The following CEP128 variants were observed in gnomAD, a reference collection of about 807,000 sequenced individuals.
CEP128 encodes centrosomal protein 128kDa.
A neutral mutation model predicts 156.7 loss-of-function variants in CEP128; 132 were observed. That is an observed-to-expected ratio of 0.84 (90% CI 0.73 to 0.97). The LOEUF (loss-of-function observed/expected upper bound fraction) is 0.97. Among genes scored for constraint, CEP128 ranks in the 50% least tolerant of loss-of-function variants. The pLI, the probability that CEP128 is intolerant of heterozygous loss-of-function variation, is 0.00. For synonymous variants in CEP128, 469 were observed against 448.9 expected (o/e 1.04, Z -0.57); for missense variants, 1,252 against 1,281.9 (o/e 0.98, Z 0.36).
intron 14 of CEP128, among the ~76,000 whole-genome samples, chr14:80,482,050 G>C (rs1169843374): frequency 6.6e-6 from 1 of 152,128 alleles, no homozygotes. Context: ...TGGGAGAATC[G>C]CTTTTTAAAG....
At chr14:80,799,350 A>T (rs1027457396) in intron 13 of CEP128, among the ~76,000 whole-genome samples, 3 of 152,194 alleles carry the variant, frequency 2.0e-5, no homozygotes, top group African/African-American at 7.2e-5. Flanking sequence ...TAAGCTGAGG[A>T]TGTATGTCAC....
At chr14:80,748,201 A>C (rs1216764729) in intron 18 of CEP128, among the ~76,000 whole-genome samples, 1 of 152,188 alleles carries the variant, frequency 6.6e-6, no homozygotes, top group Non-Finnish European at 1.5e-5. Flanking sequence ...TGGGCTGTGC[A>C]CTTCCAATTA....
chr14:80,793,212 C>T, intron 13 of CEP128, 102 bp from the exon 14 acceptor site: 1 of 845,090 alleles, frequency 1.2e-6, no homozygotes. Context: ...AAGTGGAAAT[C>T]ATCTGTATTA....
chr14:80,849,353 G>A (rs941439995), intron 9 of CEP128, among the ~76,000 whole-genome samples: 18 of 152,122 alleles, frequency 1.2e-4, no homozygotes, highest in Admixed American at 3.3e-4. Context: ...ACCCAAGTTC[G>A]CCCACACTTT....
At chr14:80,561,903 T>TATATATATATATATATATATAC (rs1890692963) in intron 20 of CEP128, among the ~76,000 whole-genome samples, 1 of 149,742 alleles carries the variant, frequency 6.7e-6, no homozygotes, top group Non-Finnish European at 1.5e-5. Context: ...GGTCTATATA[T>TATATATATATATATATATATAC]ATATATATAT....
intron 2 of CEP128, among the ~76,000 whole-genome samples, chr14:80,951,229 A>G (rs1343781294): frequency 6.6e-6 from 1 of 152,180 alleles, no homozygotes; most frequent in South Asian, 2.1e-4. Context: ...AAGGAATGAG[A>G]AAGACCAGAA....
intron 20 of CEP128, among the ~76,000 whole-genome samples, chr14:80,561,759 A>G (rs959559268): frequency 1.3e-5 from 2 of 152,154 alleles, no homozygotes; most frequent in Admixed American, 1.3e-4. Context: ...TAGCAGAGAT[A>G]AACTGATAGC....
upstream of CEP128, among the ~76,000 whole-genome samples, chr14:80,944,588 T>C (rs11627019): frequency 0.55 from 84,104 of 151,622 alleles, 23,857 homozygotes; most frequent in East Asian, 0.69. Flanking sequence ...TTTGGGAGGC[T>C]GAGGCAGGCG....
intron 8 of CEP128, among the ~76,000 whole-genome samples, chr14:80,893,510 A>AAC (rs973962933): frequency 8.7e-5 from 13 of 149,332 alleles, no homozygotes; most frequent in African/African-American, 3.2e-4. Flanking sequence ...AACCAAAACA[A>AAC]AAAAAAAAAA....
chr14:80,892,339 A>C (rs775548248), intron 8 of CEP128, among the ~76,000 whole-genome samples: 1 of 151,946 alleles, frequency 6.6e-6, no homozygotes, highest in Non-Finnish European at 1.5e-5. Flanking sequence ...AATGGTGCTA[A>C]GAAAACTGGA....
intron 16 of CEP128, among the ~76,000 whole-genome samples, chr14:80,771,942 C>A (rs1194234657): frequency 1.3e-5 from 2 of 152,184 alleles, no homozygotes; most frequent in Non-Finnish European, 1.5e-5. Context: ...CTCTTTGGGC[C>A]AGAACCTCAT....
chr14:80,512,938 G>T (rs1469038435), intron 23 of CEP128, among the ~76,000 whole-genome samples: 1 of 151,964 alleles, frequency 6.6e-6, no homozygotes, highest in Admixed American at 6.6e-5. Context: ...GTCCTGAAAA[G>T]ATGTATTTGT....
intron 4 of CEP128, among the ~76,000 whole-genome samples, chr14:80,910,434 G>A (rs1223406505): frequency 6.6e-6 from 1 of 152,164 alleles, no homozygotes; most frequent in Non-Finnish European, 1.5e-5. Context: ...TGTATAGTGA[G>A]TGAGTTATCA....
intron 19 of CEP128, among the ~76,000 whole-genome samples, chr14:80,730,525 G>A (rs1005207880): frequency 2.0e-5 from 3 of 152,196 alleles, no homozygotes; most frequent in East Asian, 3.9e-4. Flanking sequence ...GGAAGAAACT[G>A]TGGATCATAA....
intron 13 of CEP128, chr14:80,830,231 T>C (rs772977169): frequency 1.2e-5 from 8 of 656,820 alleles, no homozygotes; most frequent in African/African-American, 3.6e-5. Context: ...TATTTCATTA[T>C]CTTTACAATC....
intron 23 of CEP128, among the ~76,000 whole-genome samples, chr14:80,508,694 T>G (rs1032142843): frequency 2.6e-5 from 4 of 152,202 alleles, no homozygotes; most frequent in African/African-American, 4.8e-5. Flanking sequence ...AAAATATCAT[T>G]TTCATTTCAG....
intron 2 of CEP128, among the ~76,000 whole-genome samples, chr14:80,928,333 T>C (rs1006710365): frequency 6.6e-6 from 1 of 152,076 alleles, no homozygotes; most frequent in African/African-American, 2.4e-5. Flanking sequence ...AAAAGGTTGA[T>C]TATTAAATTA....
In CEP128 at chr14:80,940,547, C is replaced by T. The variant is rs61380662; in HGVS notation, c.-171-1007G>A. Among the ~76,000 whole-genome samples, 1,342 of 151,610 alleles carry T rather than the reference C, an allele frequency of 8.9e-3. 26 individuals are homozygous for T. The highest frequency in any genetic ancestry group is 0.031 in the African/African-American group (1,287 of 41,326). ...TTTAATGTACAGCCAGGCATGGTGG[C>T]GAGTGCCTGTAATCCCAGCTACTCC... On this transcript the variant is annotated intron_variant, in intron 1 of 24. Transcript: ENST00000555265.
intron 15 of CEP128, among the ~76,000 whole-genome samples, chr14:80,782,044 C>G (rs1414505174): frequency 1.3e-5 from 2 of 152,198 alleles, no homozygotes; most frequent in Non-Finnish European, 2.9e-5. Flanking sequence ...CCAGTTTCTC[C>G]TAACAAATCA....
Sources: gnomAD v4.1 joint callset for allele counts (sites outside exome capture counted in the v4.1 genomes callset) on GRCh38, gnomAD v4.1.1 for gene constraint, MANE v1.5 for transcripts, NCBI Gene and HGNC (gene_info 2026-07-23, HGNC 2026-07-21) for gene names.